The following PPP2R5E variants were observed in gnomAD, a reference collection of about 807,000 sequenced individuals.
PPP2R5E encodes the protein protein phosphatase 2 regulatory subunit B'epsilon.
In PPP2R5E, 4 loss-of-function variants were observed where a neutral mutation model predicts 65.3. The ratio of observed to expected loss-of-function variants is 0.06; its 90% confidence interval spans 0.03 to 0.14. The LOEUF is 0.14. Among genes scored for constraint, PPP2R5E ranks in the 10% least tolerant of loss-of-function variants. PPP2R5E has a pLI of 1.00. For synonymous variants in PPP2R5E, 183 were observed against 187.4 expected, an observed-to-expected ratio of 0.98 and a Z score of 0.19; for missense variants, 274 against 556.1, an observed-to-expected ratio of 0.49 and a Z score of 5.10.
chr14:63,420,055 A>C (rs1157656771), intron 4 of PPP2R5E, among the ~76,000 whole-genome samples: 1 of 152,166 alleles, frequency 6.6e-6, no homozygotes, highest in Non-Finnish European at 1.5e-5. Context: ...TAATGAGTAA[A>C]AGTTTATTGT....
intron 1 of PPP2R5E, among the ~76,000 whole-genome samples, chr14:63,540,910 T>C (rs1191705338): frequency 6.6e-6 from 1 of 152,240 alleles, no homozygotes; most frequent in Admixed American, 6.5e-5. Flanking sequence ...CTGCCCATTT[T>C]CTAACTGCAA....
rs1566773246 is a variant in PPP2R5E, at chr14:63,543,135, C to G, written c.-364G>C. 6.5e-6 allele frequency: 1 copy of G among 154,110 alleles called. No homozygotes were observed. Among genetic ancestry groups the G allele is most frequent in the African/African-American group, 2.4e-5 (1 of 41,406 alleles). 9.5% of individuals were successfully genotyped at this position (154,110 alleles called of 1,614,324 possible). ...GGCGCCTCAGCTCGTTGCCCCGGAC[C>G]CGGCGGCGGCGGCGACGACGTGGGG... On this transcript the variant is annotated 5_prime_UTR_variant, in exon 1 of 14. Transcript: ENST00000337537.
chr14:63,529,883 G>A lies in PPP2R5E; in HGVS notation c.157+9646C>T, dbSNP rs115155696. On this transcript the variant is annotated intron_variant, in intron 2 of 13. Coordinates refer to ENST00000337537, the MANE Select transcript of PPP2R5E (RefSeq NM_006246.5). Reference sequence around the variant, plus strand: ...TAAATATCCAGGTTACATCCTGGACGGACGCACATTATGATGAATGCTGTT... The same window carrying A: ...TAAATATCCAGGTTACATCCTGGACAGACGCACATTATGATGAATGCTGTT... 5.7e-3 allele frequency among the ~76,000 whole-genome samples: 860 copies of A among 152,130 alleles called. 7 individuals are homozygous for A. Among genetic ancestry groups the A allele is most frequent in the African/African-American group, 0.02 (813 of 41,500 alleles).
chr14:63,391,424 T>C (rs1189880439), intron 10 of PPP2R5E, among the ~76,000 whole-genome samples: 3 of 152,060 alleles, frequency 2.0e-5, no homozygotes. Context: ...TGTTTTGTTT[T>C]GTTTTGTTTT....
chr14:63,438,651 T>C (rs1414355465), intron 3 of PPP2R5E, among the ~76,000 whole-genome samples: 2 of 152,186 alleles, frequency 1.3e-5, no homozygotes, highest in African/African-American at 4.8e-5. Context: ...CAAACAATTT[T>C]AAGTATATTA....
intron 2 of PPP2R5E, among the ~76,000 whole-genome samples, chr14:63,457,763 G>A (rs1889206440): frequency 6.6e-6 from 1 of 152,058 alleles, no homozygotes; most frequent in Non-Finnish European, 1.5e-5. Flanking sequence ...TCCATCCAAG[G>A]TTGTATGTGT....
chr14:63,377,089 C>G (rs930212499), intron 13 of PPP2R5E, among the ~76,000 whole-genome samples: 7 of 151,342 alleles, frequency 4.6e-5, no homozygotes, highest in African/African-American at 1.7e-4. Context: ...ACGGAGATTG[C>G]AGCGAGCCGA....
intron 3 of PPP2R5E, 77 bp from the exon 4 acceptor site, chr14:63,422,171 G>A (rs1348358548): frequency 8.7e-7 from 1 of 1,147,652 alleles, no homozygotes; most frequent in Non-Finnish European, 1.3e-6. Context: ...GAGCCAAGCT[G>A]AGGGGAACCC....
At chr14:63,420,318 A>G (rs563583557) in intron 4 of PPP2R5E, among the ~76,000 whole-genome samples, 1 of 152,338 alleles carries the variant, frequency 6.6e-6, no homozygotes, top group African/African-American at 2.4e-5. Context: ...CATTAAGAGT[A>G]AGACATGACA....
At chr14:63,467,526 A>G (rs1024036461) in intron 2 of PPP2R5E, among the ~76,000 whole-genome samples, 2 of 152,202 alleles carry the variant, frequency 1.3e-5, no homozygotes, top group Non-Finnish European at 2.9e-5. Context: ...ATATAACTCT[A>G]TCTTCCACTT....
chr14:63,466,241 AT>A (rs1889787389), intron 2 of PPP2R5E, among the ~76,000 whole-genome samples: 1 of 149,882 alleles, frequency 6.7e-6, no homozygotes, highest in Non-Finnish European at 1.5e-5. Context: ...CAAAGACATC[AT>A]GAAACTTAAA....
chr14:63,495,342 C>T lies in PPP2R5E; in HGVS notation c.158-41457G>A, dbSNP rs143360680. Among the ~76,000 whole-genome samples, 88 of 150,530 alleles carry T rather than the reference C, an allele frequency of 5.8e-4. 1 individual carries two copies. In the East Asian group the frequency reaches 0.014, roughly 24 times the overall value. ...ATCCCAGCACTTTGGGAGGCTGAGA[C>T]GGGCAGACCACTTGAGGTCAGGAGT... On this transcript the variant is annotated intron_variant, in intron 2 of 13. Transcript: ENST00000337537.
chr14:63,488,600 G>A (rs1891120102), intron 2 of PPP2R5E, among the ~76,000 whole-genome samples: 1 of 152,118 alleles, frequency 6.6e-6, no homozygotes, highest in Non-Finnish European at 1.5e-5. Flanking sequence ...TGTAATCCCA[G>A]CACTTTGGGA....
At chr14:63,454,935 A>C (rs966157767) in intron 2 of PPP2R5E, among the ~76,000 whole-genome samples, 1 of 152,230 alleles carries the variant, frequency 6.6e-6, no homozygotes, top group Non-Finnish European at 1.5e-5. Flanking sequence ...AAATAGAGAC[A>C]ATCATTGAGG....
chr14:63,514,112 T>A (rs1422443860), intron 2 of PPP2R5E, among the ~76,000 whole-genome samples: 1 of 152,222 alleles, frequency 6.6e-6, no homozygotes, highest in Non-Finnish European at 1.5e-5. Context: ...TTGTCAAGAC[T>A]GCACCAAAAG....
chr14:63,519,795 G>A (rs1183727390), intron 2 of PPP2R5E, among the ~76,000 whole-genome samples: 1 of 151,614 alleles, frequency 6.6e-6, no homozygotes, highest in African/African-American at 2.4e-5. Flanking sequence ...CCGAGTAGCT[G>A]GGATTACAGG....
chr14:63,476,781 A>G (rs183334822), intron 2 of PPP2R5E, among the ~76,000 whole-genome samples: 6 of 152,286 alleles, frequency 3.9e-5, no homozygotes, highest in Admixed American at 3.9e-4. Flanking sequence ...TCATAAAATC[A>G]TCTATAAATT....
intron 2 of PPP2R5E, among the ~76,000 whole-genome samples, chr14:63,530,630 C>CTTTTTTTTTT (rs954359159): frequency 2.5e-5 from 2 of 81,292 alleles, no homozygotes; most frequent in African/African-American, 5.1e-5. Context: ...CTCTCAATTT[C>CTTTTTTTTTT]TTTTTTTTTT....
intron 1 of PPP2R5E, among the ~76,000 whole-genome samples, chr14:63,540,929 A>C (rs72716317): frequency 0.031 from 4,658 of 152,316 alleles, 97 homozygotes; most frequent in East Asian, 0.045. Flanking sequence ...AAAGCTCTTC[A>C]CATCTTCAAG....
Sources: allele counts gnomAD v4.1 joint callset (sites outside exome capture counted in the v4.1 genomes callset), GRCh38; gene constraint gnomAD v4.1.1; transcripts MANE v1.5; gene names NCBI Gene and HGNC (gene_info 2026-07-23, HGNC 2026-07-21).